Variants in MX1 observed in about 807,000 individuals in gnomAD.
MX1 encodes MX dynamin like GTPase 1.
A neutral mutation model predicts 66.4 loss-of-function variants in MX1; 66 were observed. The observed-to-expected ratio is 0.99, with a 90% CI of 0.82 to 1.22. The LOEUF (loss-of-function observed/expected upper bound fraction) is 1.22. Among genes scored for constraint, MX1 ranks in the 50% most tolerant of loss-of-function variants. The pLI is 0.00. For missense variants in MX1, 787 were observed against 834.3 expected (o/e 0.94, Z 0.70); for synonymous variants, 311 against 318.1 (o/e 0.98, Z 0.24).
chr21:41,420,945 CACAGAG>C (rs1051487255), intron 1 of MX1: 4 of 152,374 alleles, frequency 2.6e-5, no homozygotes, highest in African/African-American at 9.6e-5. Context: ...AAGAAAAAGA[CACAGAG>C]ACAAAGTATA....
At position 41,456,366 on chromosome 21, in the gene MX1, G is replaced by T. The variant is rs921822330; in HGVS notation, c.1759-2162G>T. On this transcript the variant is annotated intron_variant, in intron 16 of 16. Coordinates refer to ENST00000398598, the MANE Select transcript of MX1 (RefSeq NM_002462.5). ...GAGCTGGCAAGTCCAAAATCCCAGG[G>T]CAGGCCAGCAGGAAGAGCAGGCCAG... 3.3e-5 allele frequency among the ~76,000 whole-genome samples: 5 copies of T among 152,346 alleles called. No individual in the cohort carries two copies. In the South Asian group the frequency reaches 1.0e-3, roughly 32 times the overall value.
At position 41,435,880 on chromosome 21, in the gene MX1, G is replaced by A. The variant is rs138644617; in HGVS notation, c.149G>A (p.Arg50His). The A allele has an allele frequency of 1.6e-4, 257 of 1,613,656 alleles. No individual in the cohort carries two copies. Among genetic ancestry groups the A allele is most frequent in the Non-Finnish European group, 1.9e-4 (229 of 1,179,608 alleles). The change falls in exon 6 of 17, where the codon CGC (arginine) becomes CAC (histidine). Residue 50 changes from arginine (R) to histidine (H), a missense_variant. By Grantham distance (29) the Arg-to-His change is conservative. Transcript: ENST00000398598. ...NLCSQYEEKV[R>H]PCIDLIDSLR... Reference sequence around the variant, plus strand: ...TGCAGCCAGTATGAGGAGAAGGTGCGCCCCTGCATCGACCTCATTGACTCC... The same window carrying A: ...TGCAGCCAGTATGAGGAGAAGGTGCACCCCTGCATCGACCTCATTGACTCC...
chr21:41,428,319 G>A (rs2090121267), intron 3 of MX1: 1 of 152,238 alleles, frequency 6.6e-6, no homozygotes, highest in East Asian at 1.9e-4. Flanking sequence ...TCAAATTCAG[G>A]ATTTATTGTG....
In MX1 at chr21:41,434,120, A is replaced by G. The variant is rs935379896; in HGVS notation, c.106-1717A>G. ...ATAGCTTCTTGTCCTGTTATAAAGA[A>G]GCTATTCTAGTAAAAACGTCTGTCT... On this transcript the variant is annotated intron_variant, in intron 5 of 16. Transcript: ENST00000398598. Among the ~76,000 whole-genome samples, 6 of 152,360 alleles carry G rather than the reference A, an allele frequency of 3.9e-5. 1 individual carries two copies. In the South Asian group the frequency reaches 1.0e-3, roughly 26 times the overall value.
intron 5 of MX1, 78 bp downstream of exon 5, chr21:41,432,253 C>A: frequency 7.9e-7 from 1 of 1,266,490 alleles, no homozygotes; most frequent in Non-Finnish European, 1.1e-6. Flanking sequence ...TACAGCGGTG[C>A]TACTGCTGCC....
chr21:41,457,700 TTCA>T (rs1444937709), intron 16 of MX1, among the ~76,000 whole-genome samples: 3 of 152,180 alleles, frequency 2.0e-5, no homozygotes, highest in Non-Finnish European at 2.9e-5. Context: ...TGCAGAAATA[TTCA>T]TCATGTCTAT....
chr21:41,452,473 C>A, intron 15 of MX1, 148 bp from the exon 16 acceptor site: 2 of 859,092 alleles, frequency 2.3e-6, no homozygotes, highest in Non-Finnish European at 3.5e-6. Context: ...CTTAGATACA[C>A]CAGGGCGCGG....
At chr21:41,431,937 A>G (rs1249046603) in intron 4 of MX1, 113 bp from the exon 5 acceptor site, 3 of 741,952 alleles carry the variant, frequency 4.0e-6, no homozygotes, top group Non-Finnish European at 6.8e-6. Flanking sequence ...CACCATGAAC[A>G]ACTAGTCAGA....
chr21:41,439,765 G>A lies in MX1; in HGVS notation c.508G>A (p.Asp170Asn). ...ELITLEISSRDVPDLTLIDLP... is the reference protein window; with the variant it reads ...ELITLEISSRNVPDLTLIDLP... ...AATCACCCTGGAGATCAGCTCCCGA[G>A]ATGTCCCGGATCTGACTCTAATAGA... Residue 170 changes from aspartate (D) to asparagine (N), a missense_variant, in exon 8 of 17, where the codon GAT becomes AAT. Asp to Asn is a conservative substitution (Grantham distance 23). Transcript: ENST00000398598. 6.2e-7 allele frequency: 1 copy of A among 1,614,124 alleles called. No homozygotes were observed. Among genetic ancestry groups the A allele is most frequent in the African/African-American group, 1.3e-5 (1 of 75,038 alleles).
At chr21:41,439,658 T>G (rs372197819) in intron 7 of MX1, 36 bp from the exon 8 acceptor site, 4 of 1,604,994 alleles carry the variant, frequency 2.5e-6, no homozygotes, top group Non-Finnish European at 3.4e-6. Flanking sequence ...TATCCTAAGC[T>G]CTGTTTGGGT....
At chr21:41,444,085 G>C (rs964154039) in intron 11 of MX1, among the ~76,000 whole-genome samples, 1 of 152,030 alleles carries the variant, frequency 6.6e-6, no homozygotes, top group African/African-American at 2.4e-5. Context: ...CCACAGTCAG[G>C]GGGAATGCTG....
chr21:41,448,401 A>G (rs1395045261), intron 13 of MX1, among the ~76,000 whole-genome samples: 2 of 152,244 alleles, frequency 1.3e-5, no homozygotes, highest in East Asian at 1.9e-4. Flanking sequence ...GAAAGTGTTC[A>G]TGCTCATTTC....
At chr21:41,437,422 T>C (rs2090395693) in intron 7 of MX1, among the ~76,000 whole-genome samples, 1 of 152,010 alleles carries the variant, frequency 6.6e-6, no homozygotes, top group Non-Finnish European at 1.5e-5. Context: ...GGGGATTGCT[T>C]GAGCCTAGGA....
At chr21:41,440,861 A>G in intron 8 of MX1, 26 bp from the exon 9 acceptor site, 1 of 1,614,016 alleles carries the variant, frequency 6.2e-7, no homozygotes. Flanking sequence ...CATACTCACG[A>G]GTCACCTCCT....
chr21:41,438,213 G>A (rs2090416264), intron 7 of MX1, among the ~76,000 whole-genome samples: 1 of 152,240 alleles, frequency 6.6e-6, no homozygotes, highest in South Asian at 2.1e-4. Context: ...TTTAAAGAAA[G>A]ATAAATAATG....
At position 41,437,108 on chromosome 21, in the gene MX1, T is replaced by C. The variant is rs749472574; in HGVS notation, c.392T>C (p.Ile131Thr). 2.2e-5 allele frequency: 36 copies of C among 1,613,762 alleles called. No homozygotes were observed. The highest frequency in any genetic ancestry group is 2.2e-4 in the Admixed American group (13 of 59,976). The change falls in exon 7 of 17, where the codon ATT (isoleucine) becomes ACT (threonine). Residue 131 changes from isoleucine to threonine, a missense_variant. By Grantham distance (89) the Ile-to-Thr change is moderately conservative. Coordinates refer to ENST00000398598, the MANE Select transcript of MX1 (RefSeq NM_002462.5). The part of the protein sequence containing the change: ...RGKVSYQDYE[I>T]EISDASEVEK... ...AAGGTCAGTTACCAGGACTACGAGATTGAGATTTCGGATGCTTCAGAGGTA... is the reference window on the plus strand; with the variant it reads ...AAGGTCAGTTACCAGGACTACGAGACTGAGATTTCGGATGCTTCAGAGGTA...
chr21:41,429,772 G>C (rs2090160779), intron 3 of MX1: 1 of 151,952 alleles, frequency 6.6e-6, no homozygotes, highest in Admixed American at 6.6e-5. Context: ...GCCGGGTCTG[G>C]TGGCGTGCAC....
chr21:41,457,707 T>G (rs762247117), intron 16 of MX1, among the ~76,000 whole-genome samples: 4 of 152,220 alleles, frequency 2.6e-5, no homozygotes, highest in Non-Finnish European at 5.9e-5. Flanking sequence ...ATATTCATCA[T>G]GTCTATTTTG....
At chr21:41,451,113 A>G in intron 14 of MX1, 54 bp from the exon 15 acceptor site, 4 of 1,237,558 alleles carry the variant, frequency 3.2e-6, no homozygotes, top group East Asian at 2.3e-5. Flanking sequence ...TTGCATCTTA[A>G]GAAGAGAACA....
Sources: allele counts gnomAD v4.1 joint callset (sites outside exome capture counted in the v4.1 genomes callset), GRCh38; gene constraint gnomAD v4.1.1; transcripts MANE v1.5; gene names NCBI Gene and HGNC (gene_info 2026-07-23, HGNC 2026-07-21).